The following RAB22A variants were observed in gnomAD, a reference collection of about 807,000 sequenced individuals.
RAB22A encodes RAB22A, member RAS oncogene family.
RAB22A carries 13 observed loss-of-function variants against 30.2 expected under a neutral mutation model. That is an observed-to-expected ratio of 0.43 (90% confidence interval 0.28 to 0.68). The LOEUF (loss-of-function observed/expected upper bound fraction) is 0.68, where lower values mean the gene tolerates loss of function less well. RAB22A is among the 30% of genes least tolerant of loss of function. The probability of loss-of-function intolerance (pLI) is 0.18; values close to 1 mark genes in which losing one functional copy is unlikely to be tolerated. For missense variants in RAB22A, 177 were observed against 246.8 expected (o/e 0.72, Z 1.89); for synonymous variants, 89 against 87.2 (o/e 1.02, Z -0.11).
At chr20:58,316,603 C>T (rs1295084875) in intron 2 of RAB22A, among the ~76,000 whole-genome samples, 3 of 152,122 alleles carry the variant, frequency 2.0e-5, no homozygotes, top group African/African-American at 7.2e-5. Context: ...TATTGTGTTC[C>T]TCAAGTGTGC....
chr20:58,352,968 T>G (rs1211938054), intron 3 of RAB22A, among the ~76,000 whole-genome samples: 1 of 152,232 alleles, frequency 6.6e-6, no homozygotes. Flanking sequence ...ATTGAACAAA[T>G]GAATTTGGGA....
intron 2 of RAB22A, among the ~76,000 whole-genome samples, chr20:58,322,952 T>A (rs866340096): frequency 6.6e-6 from 1 of 152,246 alleles, no homozygotes; most frequent in East Asian, 1.9e-4. Context: ...CTTGACCTGT[T>A]TCAATATAAA....
chr20:58,334,250 G>A (rs1269636347), intron 2 of RAB22A, among the ~76,000 whole-genome samples: 2 of 151,718 alleles, frequency 1.3e-5, no homozygotes, highest in African/African-American at 2.4e-5. Context: ...CATGAGAATC[G>A]CTCGAACCTG....
intron 3 of RAB22A, among the ~76,000 whole-genome samples, chr20:58,344,950 T>C (rs73915840): frequency 0.057 from 8,659 of 152,262 alleles, 532 homozygotes; most frequent in African/African-American, 0.15. Flanking sequence ...CCCATTCCTT[T>C]TCCTTTGCTC....
chr20:58,342,084 A>G (rs1986864285), intron 2 of RAB22A, among the ~76,000 whole-genome samples: 1 of 152,242 alleles, frequency 6.6e-6, no homozygotes, highest in Admixed American at 6.5e-5. Flanking sequence ...GCACTTCCAC[A>G]TACATCATCT....
At chr20:58,330,821 C>G (rs753333147) in intron 2 of RAB22A, among the ~76,000 whole-genome samples, 1 of 152,202 alleles carries the variant, frequency 6.6e-6, no homozygotes, top group Non-Finnish European at 1.5e-5. Flanking sequence ...CAACTGAAAT[C>G]TCTGCTCAGC....
rs1005810238 is a variant in RAB22A at position 58,365,567 on chromosome 20, C to T, written c.*5864C>T. ...ATTAGAGTTTGTGAAACTGTCTTAA[C>T]GTGGCTCATACACGTGATGTCAGAG... On this transcript the variant is annotated 3_prime_UTR_variant, in exon 7 of 7. Coordinates refer to ENST00000244040, the MANE Select transcript of RAB22A (RefSeq NM_020673.3). 2.0e-5 allele frequency: 3 copies of T among 152,202 alleles called. No individual in the cohort carries two copies. The highest frequency in any genetic ancestry group is 4.4e-5 in the Non-Finnish European group (3 of 68,040). The allele number at this position is 152,202 out of a possible 1,614,324, so 9.4% of individuals were successfully genotyped here. A position where few individuals can be genotyped will look rare whatever the true frequency, so the allele number is the denominator to read the frequency against.
At chr20:58,327,947 G>A (rs1986596918) in intron 2 of RAB22A, among the ~76,000 whole-genome samples, 1 of 152,158 alleles carries the variant, frequency 6.6e-6, no homozygotes, top group Non-Finnish European at 1.5e-5. Context: ...TGAACTAGAT[G>A]TTTTGCCAAA....
At chr20:58,322,526 A>T (rs1270679334) in intron 2 of RAB22A, among the ~76,000 whole-genome samples, 1 of 152,166 alleles carries the variant, frequency 6.6e-6, no homozygotes, top group African/African-American at 2.4e-5. Flanking sequence ...TAAAACTACC[A>T]TCTTGCTTTA....
In RAB22A at chr20:58,366,895, A is replaced by G. The variant is rs1414448320; in HGVS notation, c.*7192A>G. The G allele has an allele frequency of 6.6e-6, 1 of 152,572 alleles. No individual in the cohort carries two copies. The highest frequency in any genetic ancestry group is 1.5e-5 in the Non-Finnish European group (1 of 68,014). 9.5% of individuals were successfully genotyped at this position (152,572 alleles called of 1,614,324 possible). On this transcript the variant is annotated 3_prime_UTR_variant, in exon 7 of 7. Transcript: ENST00000244040. ...TTAAAAGTCTTGAAGAAAAACAGCT[A>G]TGGCAATGAGCCTAGACATTTTTCA... is the stretch of plus-strand genomic sequence containing the variant.
intron 2 of RAB22A, among the ~76,000 whole-genome samples, chr20:58,320,843 G>A (rs1340292281): frequency 6.6e-6 from 1 of 152,118 alleles, no homozygotes; most frequent in Non-Finnish European, 1.5e-5. Context: ...ATCACTTGAA[G>A]TCAGGAGTTC....
At position 58,353,335 on chromosome 20, in the gene RAB22A, C is replaced by G. The variant is rs1346129571; in HGVS notation, c.261C>G (p.Ile87Met). The G allele has an allele frequency of 6.2e-7, 1 of 1,613,860 alleles. No homozygotes were observed. Among genetic ancestry groups the G allele is most frequent in the Non-Finnish European group, 8.5e-7 (1 of 1,179,796 alleles). Reference sequence around the variant, plus strand: ...CTGCAGCTATAATCGTTTATGATATCACAAAAGAAGTAAGACTATATAGTT... The same window carrying G: ...CTGCAGCTATAATCGTTTATGATATGACAAAAGAAGTAAGACTATATAGTT... ...GSAAAIIVYDITKEETFSTLK... is the reference protein window; with the variant it reads ...GSAAAIIVYDMTKEETFSTLK... The change falls in exon 4 of 7, where the codon ATC becomes ATG. Residue 87 changes from isoleucine to methionine, a missense_variant. Coordinates refer to ENST00000244040, the MANE Select transcript of RAB22A (RefSeq NM_020673.3).
Position 58,309,774 on chromosome 20 carries a change from G to C in RAB22A, c.-203G>C, listed in dbSNP as rs2122913831. On this transcript the variant is annotated 5_prime_UTR_variant, in exon 1 of 7. Transcript: ENST00000244040. The stretch of plus-strand genomic sequence containing the variant: ...CGGCGGCTCCCGGAAGGCCGCGGCG[G>C]CGTCCCGGCTGCTAAGGCGGGCCCC... 2 of 351,038 alleles carry C rather than the reference G, an allele frequency of 5.7e-6. No individual in the cohort carries two copies. Among genetic ancestry groups the C allele is most frequent in the East Asian group, 5.2e-5 (1 of 19,360 alleles). 21.7% of individuals were successfully genotyped at this position (351,038 alleles called of 1,614,324 possible).
rs115028462 is a variant in RAB22A, at chr20:58,349,406, C to T, written c.199-3867C>T. Among the ~76,000 whole-genome samples the T allele has an allele frequency of 6.9e-3, 1,055 of 152,220 alleles. 11 individuals carry two copies. The highest frequency in any genetic ancestry group is 0.022 in the African/African-American group (903 of 41,538). On this transcript the variant is annotated intron_variant, in intron 3 of 6. Transcript: ENST00000244040. The stretch of plus-strand genomic sequence containing the variant: ...CTAGAGCAGCCAGAAAAAGAGGAGG[C>T]AAATCGCAGAAAAGGGATTCAACAA...
rs931991527 is a variant in RAB22A at position 58,353,293 on chromosome 20, G to A, written c.219G>A (p.Met73Ile). ...TGCAGTTTCGTGCCTTAGCACCAAT[G>A]TACTATCGAGGGTCGGCTGCAGCTA... The part of the protein sequence containing the change: ...GQERFRALAP[M>I]YYRGSAAAII... Residue 73 changes from methionine (M) to isoleucine (I), a missense_variant, in exon 4 of 7, where the codon ATG becomes ATA. By Grantham distance (10) the Met-to-Ile change is conservative. Transcript: ENST00000244040. The A allele has an allele frequency of 8.7e-6, 14 of 1,613,958 alleles. No individual in the cohort carries two copies. Among genetic ancestry groups the A allele is most frequent in the Non-Finnish European group, 1.1e-5 (13 of 1,179,988 alleles).
At chr20:58,324,334 C>T (rs994941545) in intron 2 of RAB22A, among the ~76,000 whole-genome samples, 11 of 151,704 alleles carry the variant, frequency 7.3e-5, no homozygotes, top group Admixed American at 2.0e-4. Context: ...TTGACTCTTT[C>T]ATATACGTTT....
chr20:58,319,244 T>C (rs1986404820), intron 2 of RAB22A, among the ~76,000 whole-genome samples: 1 of 152,122 alleles, frequency 6.6e-6, no homozygotes, highest in South Asian at 2.1e-4. Context: ...AGAACAACAT[T>C]GGACATATAG....
intron 3 of RAB22A, among the ~76,000 whole-genome samples, chr20:58,351,737 C>T (rs1233748433): frequency 1.3e-5 from 2 of 152,170 alleles, no homozygotes; most frequent in African/African-American, 2.4e-5. Context: ...GGCTTGAACC[C>T]GGGAGGCGGA....
intron 6 of RAB22A, among the ~76,000 whole-genome samples, chr20:58,357,394 C>CAG (rs1987149674): frequency 6.6e-6 from 1 of 152,134 alleles, no homozygotes; most frequent in African/African-American, 2.4e-5. Context: ...GAAGTATCTT[C>CAG]TACTGTATGG....
Sources: gnomAD v4.1 joint callset for allele counts (sites outside exome capture counted in the v4.1 genomes callset) on GRCh38, gnomAD v4.1.1 for gene constraint, MANE v1.5 for transcripts, NCBI Gene and HGNC (gene_info 2026-07-23, HGNC 2026-07-21) for gene names.